CCBE1: variants seen among roughly 807,000 people sequenced by gnomAD.
The protein encoded by CCBE1 is collagen and calcium binding EGF domains 1.
A neutral mutation model predicts 50.0 loss-of-function variants in CCBE1; 37 were observed. That is an observed-to-expected ratio of 0.74 (90% CI 0.57 to 0.97). The LOEUF is 0.97. Ranked by LOEUF, CCBE1 falls within the 50% of genes least tolerant of loss-of-function variation. The probability of loss-of-function intolerance (pLI) is 0.00; values close to 1 mark genes in which losing one functional copy is unlikely to be tolerated. For missense variants in CCBE1, 538 were observed against 523.8 expected (o/e 1.03, Z -0.26); for synonymous variants, 234 against 203.7 (o/e 1.15, Z -1.27).
At chr18:59,436,522 A>G (rs1910165723) in intron 10 of CCBE1, among the ~76,000 whole-genome samples, 1 of 152,204 alleles carries the variant, frequency 6.6e-6, no homozygotes, top group African/African-American at 2.4e-5. Flanking sequence ...GCCGCTTACT[A>G]GCTGTGTCAT....
intron 2 of CCBE1, among the ~76,000 whole-genome samples, chr18:59,531,223 A>T (rs1472300894): frequency 1.3e-5 from 2 of 152,010 alleles, no homozygotes; most frequent in Non-Finnish European, 2.9e-5. Context: ...AGAACTCCCA[A>T]CATTGAGAAG....
At chr18:59,684,281 T>C (rs2054629595) in intron 2 of CCBE1, among the ~76,000 whole-genome samples, 1 of 152,172 alleles carries the variant, frequency 6.6e-6, no homozygotes, top group South Asian at 2.1e-4. Context: ...AAACCCTGTC[T>C]CTACAAAAAA....
chr18:59,543,527 TGCGAGAGGCC>T (rs550435051), intron 2 of CCBE1, among the ~76,000 whole-genome samples: 60 of 152,232 alleles, frequency 3.9e-4, no homozygotes, highest in African/African-American at 1.3e-3. Flanking sequence ...ATAAAACTAA[TGCGAGAGGCC>T]GCGAGAGGCC....
chr18:59,497,099 T>C (rs988334096), intron 2 of CCBE1, among the ~76,000 whole-genome samples: 1 of 152,218 alleles, frequency 6.6e-6, no homozygotes, highest in African/African-American at 2.4e-5. Context: ...TACTATATAA[T>C]ACATGTCCAC....
intron 2 of CCBE1, among the ~76,000 whole-genome samples, chr18:59,650,195 G>A (rs2054108615): frequency 1.3e-5 from 2 of 151,738 alleles, no homozygotes; most frequent in South Asian, 4.2e-4. Context: ...ATCATAAGAG[G>A]GAACTGTTTC....
At chr18:59,559,664 T>A (rs1410853550) in intron 2 of CCBE1, among the ~76,000 whole-genome samples, 1 of 152,172 alleles carries the variant, frequency 6.6e-6, no homozygotes. Flanking sequence ...AAAGACCACG[T>A]GTGGACTTGG....
chr18:59,498,616 A>G (rs1012566456), intron 2 of CCBE1, among the ~76,000 whole-genome samples: 1 of 152,264 alleles, frequency 6.6e-6, no homozygotes, highest in African/African-American at 2.4e-5. Flanking sequence ...AGGCAAGAGT[A>G]AGAAAATGTT....
intron 2 of CCBE1, among the ~76,000 whole-genome samples, chr18:59,549,102 CA>C (rs10661714): frequency 0.067 from 7,805 of 115,680 alleles, 353 homozygotes; most frequent in African/African-American, 0.15. Context: ...GACTCCGTCT[CA>C]AAAAAAAAAA....
At chr18:59,454,503 C>G (rs530857016) in intron 6 of CCBE1, among the ~76,000 whole-genome samples, 1 of 152,308 alleles carries the variant, frequency 6.6e-6, no homozygotes, top group African/African-American at 2.4e-5. Context: ...GCCTCAGCCT[C>G]CCAAAGTGCT....
chr18:59,545,288 C>T (rs1376123566), intron 2 of CCBE1, among the ~76,000 whole-genome samples: 1 of 151,152 alleles, frequency 6.6e-6, no homozygotes, highest in East Asian at 2.0e-4. Flanking sequence ...ACAGTAAATA[C>T]CTATTATAAA....
rs1351639103 is a variant in CCBE1, at chr18:59,448,090, G to A, written c.668C>T (p.Pro223Leu). The A allele has an allele frequency of 6.2e-7, 1 of 1,614,086 alleles. No homozygotes were observed. Among genetic ancestry groups the A allele is most frequent in the Admixed American group, 1.7e-5 (1 of 60,008 alleles). Reference protein sequence around the residue: ...LQLKQKIALLPNNAADLGKYI... With the variant: ...LQLKQKIALLLNNAADLGKYI... ...CTTGCCCAGGTCAGCTGCATTGTTG[G>A]GGAGCAGAGCAATCTGCAAGGAGAA... Residue 223 changes from proline to leucine, a missense_variant, in exon 7 of 11, where the codon CCC becomes CTC. Pro to Leu is a moderately conservative substitution (Grantham distance 98, BLOSUM62 -3). Coordinates refer to ENST00000439986, the MANE Select transcript of CCBE1 (RefSeq NM_133459.4).
chr18:59,578,106 T>C (rs1053102519), intron 2 of CCBE1, among the ~76,000 whole-genome samples: 16 of 151,912 alleles, frequency 1.1e-4, no homozygotes, highest in African/African-American at 3.9e-4. Context: ...AACTGAAATG[T>C]ACAAGAAAAA....
At chr18:59,477,195 C>T (rs913504441) in intron 3 of CCBE1, among the ~76,000 whole-genome samples, 2 of 152,202 alleles carry the variant, frequency 1.3e-5, no homozygotes, top group Admixed American at 1.3e-4. Flanking sequence ...TACTGTTACT[C>T]CACAACAGAG....
chr18:59,659,295 G>GTTTT (rs56267729), intron 2 of CCBE1, among the ~76,000 whole-genome samples: 62 of 148,048 alleles, frequency 4.2e-4, no homozygotes, highest in African/African-American at 1.2e-3. Context: ...GAATTTACAT[G>GTTTT]TTTTTTTTTT....
At chr18:59,646,051 A>G (rs954168998) in intron 2 of CCBE1, among the ~76,000 whole-genome samples, 1 of 152,074 alleles carries the variant, frequency 6.6e-6, no homozygotes, top group East Asian at 1.9e-4. Flanking sequence ...AAGAAAAAAA[A>G]AAGGTATCAA....
chr18:59,508,018 G>A (rs1913959335), intron 2 of CCBE1, among the ~76,000 whole-genome samples: 1 of 151,680 alleles, frequency 6.6e-6, no homozygotes, highest in Non-Finnish European at 1.5e-5. Context: ...AGCCTCTTGA[G>A]TAGCTGGGAG....
At chr18:59,640,518 T>C (rs1262560913) in intron 2 of CCBE1, among the ~76,000 whole-genome samples, 1 of 152,016 alleles carries the variant, frequency 6.6e-6, no homozygotes, top group Non-Finnish European at 1.5e-5. Flanking sequence ...TGCCCAAGAC[T>C]ATAAAAACTC....
intron 2 of CCBE1, among the ~76,000 whole-genome samples, chr18:59,526,102 T>C (rs1033861403): frequency 1.3e-5 from 2 of 152,144 alleles, no homozygotes; most frequent in Admixed American, 1.3e-4. Context: ...TTTAAAGTAG[T>C]TTTTCTGGTT....
At chr18:59,543,848 A>AAG (rs1915576836) in intron 2 of CCBE1, among the ~76,000 whole-genome samples, 7 of 134,144 alleles carry the variant, frequency 5.2e-5, no homozygotes, top group African/African-American at 2.1e-4. Context: ...AAAAAAAAAA[A>AAG]AAAAAAAAAA....
Sources: allele counts gnomAD v4.1 joint callset (sites outside exome capture counted in the v4.1 genomes callset), GRCh38; gene constraint gnomAD v4.1.1; transcripts MANE v1.5; gene names NCBI Gene and HGNC (gene_info 2026-07-23, HGNC 2026-07-21).